Variants in TNR observed in about 807,000 individuals in gnomAD.
TNR encodes tenascin R.
In TNR, 45 loss-of-function variants were observed where a neutral mutation model predicts 150.4. The ratio of observed to expected loss-of-function variants is 0.30; its 90% CI spans 0.24 to 0.38. The LOEUF (loss-of-function observed/expected upper bound fraction) is 0.38. Ranked by LOEUF, TNR falls within the 10% of genes least tolerant of loss-of-function variation. The probability of loss-of-function intolerance (pLI) is 1.00; values close to 1 mark genes in which losing one functional copy is unlikely to be tolerated. For missense variants in TNR, 1,544 were observed against 1,759.1 expected (o/e 0.88, Z 2.19); for synonymous variants, 687 against 678.4 (o/e 1.01, Z -0.20).
intron 1 of TNR, among the ~76,000 whole-genome samples, chr1:175,582,103 C>G (rs1200447941): frequency 6.6e-6 from 1 of 152,164 alleles, no homozygotes; most frequent in Non-Finnish European, 1.5e-5. Flanking sequence ...AAAAGTAAAG[C>G]AATATTCTAA....
chr1:175,445,820 T>C (rs1656021321), intron 2 of TNR, among the ~76,000 whole-genome samples: 1 of 152,246 alleles, frequency 6.6e-6, no homozygotes, highest in Admixed American at 6.5e-5. Context: ...TTGTACGTTG[T>C]ATCTGTTTTC....
At chr1:175,377,789 GC>G (rs1418896257) in intron 9 of TNR, among the ~76,000 whole-genome samples, 3 of 152,092 alleles carry the variant, frequency 2.0e-5, no homozygotes, top group Non-Finnish European at 2.9e-5. Context: ...AAATACTTTT[GC>G]AGGAATCCAA....
rs146669771 is a variant in TNR, at chr1:175,497,958, G to A, written c.-64+30311C>T. ...ACCTGTTGTCCCAGCTACTCAGGAG[G>A]CTGAGGCAGGAGGATCGCTTGAACT... is the stretch of plus-strand genomic sequence containing the variant. On this transcript the variant is annotated intron_variant, in intron 2 of 22. Coordinates refer to ENST00000367674, the MANE Select transcript of TNR (RefSeq NM_003285.3). Among the ~76,000 whole-genome samples, 143 of 152,256 alleles carry A rather than the reference G, an allele frequency of 9.4e-4. 2 individuals carry two copies. In the East Asian group the frequency reaches 0.025, roughly 27 times the overall value.
chr1:175,328,291 ATAACT>A (rs1247650680), intron 21 of TNR, among the ~76,000 whole-genome samples: 1 of 152,232 alleles, frequency 6.6e-6, no homozygotes, highest in African/African-American at 2.4e-5. Flanking sequence ...CCTCTGATTG[ATAACT>A]TAATTTGTAA....
intron 1 of TNR, among the ~76,000 whole-genome samples, chr1:175,727,807 G>C (rs971844366): frequency 1.3e-5 from 2 of 152,172 alleles, no homozygotes; most frequent in Non-Finnish European, 2.9e-5. Context: ...GTAGTGGCAG[G>C]AAAATGAGGG....
intron 1 of TNR, among the ~76,000 whole-genome samples, chr1:175,544,925 A>C (rs1018694707): frequency 6.6e-6 from 1 of 152,212 alleles, no homozygotes; most frequent in Non-Finnish European, 1.5e-5. Context: ...ACCCAAGCAG[A>C]AGTTTTAGGA....
At chr1:175,579,772 C>G (rs1170934916) in intron 1 of TNR, among the ~76,000 whole-genome samples, 4 of 151,882 alleles carry the variant, frequency 2.6e-5, no homozygotes, top group African/African-American at 4.8e-5. Flanking sequence ...GGGTCAGCAG[C>G]ACCACCCACC....
intron 1 of TNR, among the ~76,000 whole-genome samples, chr1:175,682,441 C>T (rs1261961464): frequency 6.6e-6 from 1 of 152,156 alleles, no homozygotes; most frequent in Non-Finnish European, 1.5e-5. Context: ...AGCCTCCACT[C>T]TTTCCATATC....
chr1:175,657,818 C>T (rs1234125718), intron 1 of TNR, among the ~76,000 whole-genome samples: 8 of 126,338 alleles, frequency 6.3e-5, no homozygotes, highest in African/African-American at 1.2e-4. Flanking sequence ...ATGTAAATGA[C>T]GAGTTAATGG....
At chr1:175,396,899 G>T (rs1030273567) in intron 4 of TNR, 92 bp from the exon 5 acceptor site, 1 of 1,497,754 alleles carries the variant, frequency 6.7e-7, no homozygotes, top group Non-Finnish European at 9.1e-7. Context: ...CACCCCCCAT[G>T]CCATGTCTAT....
chr1:175,637,567 A>G (rs1210878632), intron 1 of TNR, among the ~76,000 whole-genome samples: 9 of 152,236 alleles, frequency 5.9e-5, no homozygotes. Flanking sequence ...AGAATCCCTG[A>G]GTAATCCACA....
rs528825145 is a variant in TNR, at chr1:175,557,878, T to C, written c.-164-29509A>G. ...CAAAGACTTGGAACCAACCCAAATG[T>C]CCAACAACGATAGACTGGATTAAGA... On this transcript the variant is annotated intron_variant, in intron 1 of 22. Coordinates refer to ENST00000367674, the MANE Select transcript of TNR (RefSeq NM_003285.3). Among the ~76,000 whole-genome samples, 5 of 108,988 alleles carry C rather than the reference T, an allele frequency of 4.6e-5. 1 individual carries two copies. In the East Asian group the frequency reaches 1.4e-3, roughly 30 times the overall value. The allele number at this position is 108,988 out of a possible 152,430, so 71.5% of individuals were successfully genotyped here.
intron 7 of TNR, 82 bp from the exon 8 acceptor site, chr1:175,386,383 G>T: frequency 7.0e-7 from 1 of 1,423,070 alleles, no homozygotes; most frequent in Non-Finnish European, 9.3e-7. Context: ...TCCTCCTTAT[G>T]GAAGTCTGGT....
intron 2 of TNR, among the ~76,000 whole-genome samples, chr1:175,442,405 C>A (rs1243292282): frequency 6.6e-6 from 1 of 151,852 alleles, no homozygotes; most frequent in Non-Finnish European, 1.5e-5. Context: ...AGGGTCATGC[C>A]TGAGGAGAGG....
chr1:175,655,780 T>C (rs775641281), intron 1 of TNR, among the ~76,000 whole-genome samples: 1 of 152,172 alleles, frequency 6.6e-6, no homozygotes, highest in Non-Finnish European at 1.5e-5. Flanking sequence ...CTCACCAATG[T>C]CCTGCCCTGT....
intron 1 of TNR, among the ~76,000 whole-genome samples, chr1:175,661,918 C>A (rs996252938): frequency 1.3e-5 from 2 of 151,718 alleles, no homozygotes; most frequent in Non-Finnish European, 2.9e-5. Context: ...GCATTCACTG[C>A]TCATAAACTT....
chr1:175,416,924 C>T (rs930319260), intron 2 of TNR, among the ~76,000 whole-genome samples: 6 of 151,952 alleles, frequency 3.9e-5, no homozygotes, highest in Non-Finnish European at 5.9e-5. Flanking sequence ...AGGAGAATGG[C>T]GTGAACCCGG....
intron 18 of TNR, 104 bp downstream of exon 18, chr1:175,354,286 GC>G (rs1388782690): frequency 2.7e-6 from 4 of 1,455,686 alleles, no homozygotes; most frequent in Non-Finnish European, 3.7e-6. Context: ...AGGCAACTGA[GC>G]TTTTTTGATA....
chr1:175,718,292 C>T (rs1667208714), intron 1 of TNR, among the ~76,000 whole-genome samples: 1 of 152,150 alleles, frequency 6.6e-6, no homozygotes, highest in Admixed American at 6.5e-5. Flanking sequence ...GACCTGCATT[C>T]CCCAGCCTTC....
Sources: allele counts gnomAD v4.1 joint callset (sites outside exome capture counted in the v4.1 genomes callset), GRCh38; gene constraint gnomAD v4.1.1; transcripts MANE v1.5; gene names NCBI Gene and HGNC (gene_info 2026-07-23, HGNC 2026-07-21).